Variants in CERS1 observed in about 807,000 individuals in gnomAD.
The protein encoded by CERS1 is Embryonic growth/differentiation factor 1.
Under a neutral mutation model 35.7 loss-of-function variants are expected in CERS1, and 16 were observed. The ratio of observed to expected loss-of-function variants is 0.45; its 90% CI spans 0.30 to 0.68. The LOEUF is 0.68. Among genes scored for constraint, CERS1 ranks in the 30% least tolerant of loss-of-function variants. The probability of loss-of-function intolerance (pLI) is 0.08; values close to 1 mark genes in which losing one functional copy is unlikely to be tolerated. For synonymous variants in CERS1, 243 were observed against 201.6 expected, an observed-to-expected ratio of 1.21 and a Z score of -1.74; for missense variants, 454 against 453.9, an observed-to-expected ratio of 1.00 and a Z score of 0.00.
chr19:18,881,243 G>A (rs1267300667), intron 3 of CERS1, among the ~76,000 whole-genome samples: 5 of 147,626 alleles, frequency 3.4e-5, no homozygotes, highest in African/African-American at 1.3e-4. Context: ...TTTTGAGACA[G>A]AGTCTTGCTC....
Position 18,895,393 on chromosome 19 carries a change from C to A in CERS1, c.249+431G>T, listed in dbSNP as rs577330267. Among the ~76,000 whole-genome samples, 33 of 152,256 alleles carry A rather than the reference C, an allele frequency of 2.2e-4. No individual in the cohort carries two copies. Among genetic ancestry groups the A allele is most frequent in the Non-Finnish European group, 3.8e-4 (26 of 68,006 alleles). On this transcript the variant is annotated intron_variant, in intron 1 of 7. Coordinates refer to ENST00000623882, the MANE Select transcript of CERS1 (RefSeq NM_021267.5). This position sits in a 1 kb window ranked among gnomAD's most constrained non-coding sequence, Gnocchi z 6.4. ...TGCGCCGAGCCCTCCCGTTCCCGGT[C>A]CTGGGCTTCTCAGTGTCTGGCTCGG...
At chr19:18,883,937 C>T (rs981226789) in intron 3 of CERS1, 150 bp downstream of exon 3, 25 of 750,576 alleles carry the variant, frequency 3.3e-5, no homozygotes, top group African/African-American at 1.2e-4. Context: ...GTCCCCTCGT[C>T]GGACCCCTGA....
rs1048221173 is a variant in CERS1 at position 18,869,079 on chromosome 19, G to T, written c.*906C>A. 2 of 1,060,872 alleles carry T rather than the reference G, an allele frequency of 1.9e-6. No homozygotes were observed. Among genetic ancestry groups the T allele is most frequent in the South Asian group, 8.0e-5 (2 of 24,914 alleles). The allele number at this position is 1,060,872 out of a possible 1,614,324, so 65.7% of individuals were successfully genotyped here. On this transcript the variant is annotated 3_prime_UTR_variant, in exon 8 of 8. Transcript: ENST00000623882. ...GGGCGTAGCGCCAGCGCCAGGCGGA[G>T]GCTGCGCGGCCATGAGGCGTTGCGA...
chr19:18,879,301 G>A lies in CERS1; in HGVS notation c.840C>T (p.Phe280=), dbSNP rs2056134440. The A allele has an allele frequency of 6.2e-6, 10 of 1,613,002 alleles. No individual in the cohort carries two copies. The highest frequency in any genetic ancestry group is 8.5e-6 in the Non-Finnish European group (10 of 1,179,572). The change falls in exon 5 of 8, where the codon TTC becomes TTT. Residue 280 remains phenylalanine (F), a synonymous_variant. Transcript: ENST00000623882. ...CSLRTVPDIP[F]YFFFNALLLL... is the part of the protein sequence containing the mutation. Reference sequence around the variant, plus strand: ...GCAGGAGCGCATTGAAGAAGAAGTAGAAGGGGATGTCAGGCACCGTGCGCA... The same window carrying A: ...GCAGGAGCGCATTGAAGAAGAAGTAAAAGGGGATGTCAGGCACCGTGCGCA...
chr19:18,894,329 G>A (rs1038683409), intron 1 of CERS1, among the ~76,000 whole-genome samples: 3 of 152,090 alleles, frequency 2.0e-5, no homozygotes, highest in African/African-American at 7.2e-5. Flanking sequence ...CCTTCCCAGA[G>A]GCTGAGGGGG....
upstream of CERS1, among the ~76,000 whole-genome samples, chr19:18,896,376 C>T (rs1332074910): frequency 6.6e-6 from 1 of 151,468 alleles, no homozygotes; most frequent in African/African-American, 2.4e-5. The surrounding 1 kb of genome is among the most constrained non-coding windows in gnomAD (Gnocchi z 5.9). Flanking sequence ...CCGCGCACCG[C>T]CGTGTCGCGC....
intron 2 of CERS1, among the ~76,000 whole-genome samples, chr19:18,891,564 C>CT (rs1337365223): frequency 6.6e-6 from 1 of 151,916 alleles, no homozygotes; most frequent in Non-Finnish European, 1.5e-5. Flanking sequence ...ACAGCCACTT[C>CT]TTATCATCTT....
chr19:18,870,724 C>A lies in CERS1; in HGVS notation c.1011-105G>T, dbSNP rs989301620. 9.4e-5 allele frequency: 43 copies of A among 459,520 alleles called. No homozygotes were observed. Among genetic ancestry groups the A allele is most frequent in the Non-Finnish European group, 1.5e-4 (38 of 253,360 alleles). The allele number at this position is 459,520 out of a possible 1,614,324, so 28.5% of individuals were successfully genotyped here. ...GTTTCACACCCCCTGGCTCCTTTTACCCGGCCAGGCCCGGGCCTCGCCTTG... is the reference window on the plus strand; with the variant it reads ...GTTTCACACCCCCTGGCTCCTTTTAACCGGCCAGGCCCGGGCCTCGCCTTG... On this transcript the variant is annotated intron_variant, in intron 6 of 7. Coordinates refer to ENST00000623882, the MANE Select transcript of CERS1 (RefSeq NM_021267.5). This position sits in a 1 kb window ranked among gnomAD's most constrained non-coding sequence, Gnocchi z 5.1.
intron 2 of CERS1, among the ~76,000 whole-genome samples, chr19:18,888,704 C>T (rs2056421227): frequency 6.6e-6 from 1 of 150,948 alleles, no homozygotes; most frequent in Non-Finnish European, 1.5e-5. Flanking sequence ...GTAGTACATG[C>T]CTGTGATCCC....
intron 2 of CERS1, among the ~76,000 whole-genome samples, chr19:18,891,618 C>G (rs1286024388): frequency 6.6e-6 from 1 of 152,186 alleles, no homozygotes; most frequent in Non-Finnish European, 1.5e-5. Flanking sequence ...CGCTCTGTTG[C>G]CCAGGCTGGA....
At position 18,884,083 on chromosome 19, in the gene CERS1, T is replaced by C; in HGVS notation, c.590+4A>G. The C allele has an allele frequency of 1.2e-6, 2 of 1,611,276 alleles. No homozygotes were observed. Among genetic ancestry groups the C allele is most frequent in the Non-Finnish European group, 1.7e-6 (2 of 1,178,312 alleles). ...GGCCCCCTGCCACCCGATCCTGTCC[T>C]TACCGGAAGGCGTAGGAGGAGACGA... On this transcript the variant is annotated splice_donor_region_variant and intron_variant, in intron 3 of 7. Transcript: ENST00000623882.
At position 18,879,471 on chromosome 19, in the gene CERS1, CCCTTGCCCCCTTATCCCAT is replaced by C. The variant is rs537516367; in HGVS notation, c.753-102_753-84del. 221 of 1,470,710 alleles carry C rather than the reference CCCTTGCCCCCTTATCCCAT, an allele frequency of 1.5e-4. No homozygotes were observed. In the African/African-American group the frequency reaches 2.5e-3, roughly 17 times the overall value. 91.1% of individuals were successfully genotyped at this position (1,470,710 alleles called of 1,614,324 possible). ...CCTGTCCTATCCCGTCCTAGACCCA[CCCTTGCCCCCTTATCCCAT>C]CCTTGCCCACCTCTGCCCACCTGTT... On this transcript the variant is annotated intron_variant, in intron 4 of 7. Transcript: ENST00000623882.
intron 2 of CERS1, among the ~76,000 whole-genome samples, chr19:18,886,618 A>G (rs2056368426): frequency 6.6e-6 from 1 of 152,148 alleles, no homozygotes; most frequent in Admixed American, 6.6e-5. Flanking sequence ...TGCTCTGCCC[A>G]CACCAACCTG....
intron 6 of CERS1, chr19:18,877,874 A>G: frequency 1.4e-6 from 1 of 739,528 alleles, no homozygotes; most frequent in Non-Finnish European, 1.7e-6. Context: ...CTCTGCCCCA[A>G]TCCCATCTCA....
At chr19:18,890,435 C>T (rs1216775554) in intron 2 of CERS1, among the ~76,000 whole-genome samples, 1 of 152,184 alleles carries the variant, frequency 6.6e-6, no homozygotes, top group Non-Finnish European at 1.5e-5. Context: ...AGTAGTCGCT[C>T]AATAAATAGA....
In CERS1 at chr19:18,879,349, C is replaced by G; in HGVS notation, c.792G>C (p.Leu264=). 6.3e-7 allele frequency: 1 copy of G among 1,596,630 alleles called. No individual in the cohort carries two copies. The highest frequency in any genetic ancestry group is 8.5e-7 in the Non-Finnish European group (1 of 1,171,854). The change falls in exon 5 of 8, where the codon CTG becomes CTC. Residue 264 remains leucine, a synonymous_variant. Coordinates refer to ENST00000623882, the MANE Select transcript of CERS1 (RefSeq NM_021267.5). ...GCAGACTGCAGTGACTGGTGGCATA[C>G]AGGACCTTGAGCGGGAACCAGTAGA... The part of the protein sequence containing the change: ...FRLYWFPLKV[L]YATSHCSLRT...
At chr19:18,894,330 G>A (rs897034333) in intron 1 of CERS1, among the ~76,000 whole-genome samples, 4 of 152,092 alleles carry the variant, frequency 2.6e-5, no homozygotes, top group African/African-American at 9.7e-5. Context: ...CTTCCCAGAG[G>A]CTGAGGGGGC....
At chr19:18,873,493 T>A (rs903192632) in intron 6 of CERS1, among the ~76,000 whole-genome samples, 3 of 151,126 alleles carry the variant, frequency 2.0e-5, no homozygotes, top group Non-Finnish European at 4.4e-5. Flanking sequence ...CCCTAGGAGT[T>A]TGAGATCAGC....
rs758878687 is a variant in CERS1, at chr19:18,869,359, C to T, written c.*626G>A. On this transcript the variant is annotated 3_prime_UTR_variant, in exon 8 of 8. Transcript: ENST00000623882. ...TCCACTCAGGGCAATGCCCCGCGGC[C>T]GAGGCAGGCTCCGAGGCCCGGGTGG... 500 of 1,532,044 alleles carry T rather than the reference C, an allele frequency of 3.3e-4. No individual in the cohort carries two copies. The highest frequency in any genetic ancestry group is 3.0e-3 in the Middle Eastern group (13 of 4,376). 94.9% of individuals were successfully genotyped at this position (1,532,044 alleles called of 1,614,324 possible). A position where few individuals can be genotyped will look rare whatever the true frequency, so the allele number is the denominator to read the frequency against.
Sources: gnomAD v4.1 joint callset for allele counts (sites outside exome capture counted in the v4.1 genomes callset) on GRCh38, gnomAD v4.1.1 for gene constraint, Gnocchi (gnomAD v3.1) non-coding constraint, MANE v1.5 for transcripts, NCBI Gene and HGNC (gene_info 2026-07-23, HGNC 2026-07-21) for gene names.